The following RAB3C variants were observed in gnomAD, a reference collection of about 807,000 sequenced individuals.
RAB3C encodes the protein ras-related protein Rab-3C.
A neutral mutation model predicts 26.4 loss-of-function variants in RAB3C; 17 were observed. The ratio of observed to expected loss-of-function variants is 0.64; its 90% confidence interval spans 0.44 to 0.97. RAB3C has a LOEUF of 0.97. RAB3C is among the 50% of genes least tolerant of loss of function. The pLI is 0.00. For missense variants in RAB3C, 242 were observed against 281.9 expected, an observed-to-expected ratio of 0.86 and a Z score of 1.01; for synonymous variants, 91 against 95.9, an observed-to-expected ratio of 0.95 and a Z score of 0.30.
chr5:58,678,499 G>C (rs971767799), intron 2 of RAB3C, among the ~76,000 whole-genome samples: 24 of 152,154 alleles, frequency 1.6e-4, no homozygotes, highest in Admixed American at 6.5e-5. Flanking sequence ...CATCAGGAAA[G>C]TCATTAGAAA....
In RAB3C at chr5:58,655,945, C is replaced by T. The variant is rs568443371; in HGVS notation, c.252+38075C>T. Among the ~76,000 whole-genome samples, 876 of 152,020 alleles carry T rather than the reference C, an allele frequency of 5.8e-3. 8 individuals carry two copies. The highest frequency in any genetic ancestry group is 0.02 in the African/African-American group (817 of 41,478). On this transcript the variant is annotated intron_variant, in intron 2 of 4. Coordinates refer to ENST00000282878, the MANE Select transcript of RAB3C (RefSeq NM_138453.4). ...CCGAGTAGCTGGGACTACAGGCGCC[C>T]GCCACCACGCCCGGCTAATTTTTTT...
intron 2 of RAB3C, among the ~76,000 whole-genome samples, chr5:58,647,249 A>G (rs77241350): frequency 0.086 from 13,150 of 152,260 alleles, 644 homozygotes; most frequent in East Asian, 0.18. Flanking sequence ...ATTAAGGAAA[A>G]AGGTTTAATT....
At chr5:58,693,817 G>T (rs1748629882) in intron 2 of RAB3C, among the ~76,000 whole-genome samples, 1 of 152,154 alleles carries the variant, frequency 6.6e-6, no homozygotes, top group Admixed American at 6.6e-5. Context: ...TATGCAGGGA[G>T]AGCCCCTCTG....
intron 3 of RAB3C, among the ~76,000 whole-genome samples, chr5:58,788,938 C>T (rs1190091935): frequency 1.3e-5 from 2 of 152,072 alleles, no homozygotes; most frequent in African/African-American, 4.8e-5. Context: ...CCAGATGATA[C>T]CACTCAGACG....
intron 3 of RAB3C, among the ~76,000 whole-genome samples, chr5:58,728,768 C>A (rs1239653175): frequency 3.9e-5 from 6 of 151,946 alleles, no homozygotes; most frequent in African/African-American, 1.4e-4. Context: ...TGGTTAAGAC[C>A]ATTGATTTAT....
chr5:58,637,098 C>CTTTTT (rs10669263), intron 2 of RAB3C, among the ~76,000 whole-genome samples: 4 of 142,188 alleles, frequency 2.8e-5, no homozygotes, highest in East Asian at 4.1e-4. Context: ...TTTCAAAGAA[C>CTTTTT]TTTTTTTTTT....
chr5:58,800,394 T>C (rs1304638513), intron 3 of RAB3C, among the ~76,000 whole-genome samples: 1 of 152,222 alleles, frequency 6.6e-6, no homozygotes, highest in African/African-American at 2.4e-5. Context: ...TCATTAGCAA[T>C]TTTGTTCTTT....
intron 2 of RAB3C, among the ~76,000 whole-genome samples, chr5:58,715,473 C>CTTA (rs1295721202): frequency 6.6e-6 from 1 of 151,898 alleles, no homozygotes; most frequent in African/African-American, 2.4e-5. Context: ...GAAGAAGAAT[C>CTTA]TTGAATAGGT....
At chr5:58,619,417 C>T (rs1746887671) in intron 2 of RAB3C, among the ~76,000 whole-genome samples, 1 of 152,152 alleles carries the variant, frequency 6.6e-6, no homozygotes, top group Non-Finnish European at 1.5e-5. Flanking sequence ...GAATTGCAGG[C>T]AATCCAATTG....
intron 1 of RAB3C, among the ~76,000 whole-genome samples, chr5:58,605,566 G>A (rs72760239): frequency 0.031 from 4,792 of 152,180 alleles, 251 homozygotes; most frequent in East Asian, 0.27. Flanking sequence ...ACAACTTAAC[G>A]GAGCAGAAAC....
chr5:58,591,585 AGT>A (rs2111657657), intron 1 of RAB3C, among the ~76,000 whole-genome samples: 1 of 94,720 alleles, frequency 1.1e-5, no homozygotes, highest in East Asian at 2.2e-4. Flanking sequence ...GTATTTTCAT[AGT>A]ATATATATAT....
At chr5:58,643,481 C>T (rs990540428) in intron 2 of RAB3C, among the ~76,000 whole-genome samples, 2 of 151,944 alleles carry the variant, frequency 1.3e-5, no homozygotes, top group Non-Finnish European at 2.9e-5. Flanking sequence ...TTCTATATAG[C>T]TTAGAATTAT....
intron 3 of RAB3C, among the ~76,000 whole-genome samples, chr5:58,796,738 G>A (rs966891562): frequency 3.9e-5 from 6 of 152,266 alleles, no homozygotes; most frequent in Non-Finnish European, 7.4e-5. Flanking sequence ...GCTATAGCCT[G>A]GAGAAACCCA....
chr5:58,765,584 AT>A (rs1335991835), intron 3 of RAB3C, among the ~76,000 whole-genome samples: 1 of 152,228 alleles, frequency 6.6e-6, no homozygotes, highest in Non-Finnish European at 1.5e-5. Flanking sequence ...ATGGAATCAT[AT>A]TAAGCATATT....
chr5:58,674,602 T>C, intron 2 of RAB3C, among the ~76,000 whole-genome samples: 1 of 152,216 alleles, frequency 6.6e-6, no homozygotes, highest in East Asian at 1.9e-4. Flanking sequence ...CAGATGACCA[T>C]GTGGTCAATA....
At chr5:58,755,788 T>C (rs1741642384) in intron 3 of RAB3C, among the ~76,000 whole-genome samples, 2 of 152,198 alleles carry the variant, frequency 1.3e-5, no homozygotes, top group South Asian at 4.1e-4. Flanking sequence ...AGGCAATAGT[T>C]TGCAAACTTT....
chr5:58,842,866 T>A (rs1743904875), intron 4 of RAB3C, among the ~76,000 whole-genome samples: 1 of 152,186 alleles, frequency 6.6e-6, no homozygotes, highest in Non-Finnish European at 1.5e-5. Context: ...AATTTCTTGA[T>A]TTTAAGAATT....
At chr5:58,721,801 T>G (rs1165224700) in intron 2 of RAB3C, among the ~76,000 whole-genome samples, 2 of 151,804 alleles carry the variant, frequency 1.3e-5, no homozygotes, top group Non-Finnish European at 2.9e-5. Flanking sequence ...CCCTACTTAG[T>G]GCAATTTCTT....
intron 3 of RAB3C, among the ~76,000 whole-genome samples, chr5:58,756,984 GTATTTCTGA>G (rs1284841324): frequency 6.6e-6 from 1 of 152,272 alleles, no homozygotes; most frequent in Non-Finnish European, 1.5e-5. Context: ...GGGTCAGATG[GTATTTCTGA>G]TTCTAGATCC....
Sources: allele counts gnomAD v4.1 joint callset (sites outside exome capture counted in the v4.1 genomes callset), GRCh38; gene constraint gnomAD v4.1.1; transcripts MANE v1.5; gene names NCBI Gene and HGNC (gene_info 2026-07-23, HGNC 2026-07-21).